GUCY1A2: variants seen among roughly 807,000 people sequenced by gnomAD.
GUCY1A2 encodes guanylate cyclase 1 soluble subunit alpha 2.
Under a neutral mutation model 63.5 loss-of-function variants are expected in GUCY1A2, and 27 were observed. The ratio of observed to expected loss-of-function variants is 0.43; its 90% CI spans 0.31 to 0.59. The LOEUF is 0.59. Among genes scored for constraint, GUCY1A2 ranks in the 20% least tolerant of loss-of-function variants. GUCY1A2 has a pLI of 0.11. For missense variants in GUCY1A2, 768 were observed against 913.3 expected, an observed-to-expected ratio of 0.84 and a Z score of 2.05; for synonymous variants, 364 against 343.5, an observed-to-expected ratio of 1.06 and a Z score of -0.66.
At chr11:106,930,135 C>T (rs1331083505) in intron 4 of GUCY1A2, among the ~76,000 whole-genome samples, 1 of 152,104 alleles carries the variant, frequency 6.6e-6, no homozygotes, top group Non-Finnish European at 1.5e-5. Context: ...AGTGATAAAA[C>T]TGAAACAAGT....
At chr11:106,914,571 A>G (rs1860343541) in intron 4 of GUCY1A2, among the ~76,000 whole-genome samples, 1 of 151,868 alleles carries the variant, frequency 6.6e-6, no homozygotes, top group African/African-American at 2.4e-5. Context: ...CATTAAAAAG[A>G]GAAATAATTA....
intron 4 of GUCY1A2, among the ~76,000 whole-genome samples, chr11:106,879,815 A>G (rs1310431994): frequency 6.6e-6 from 1 of 152,070 alleles, no homozygotes; most frequent in Non-Finnish European, 1.5e-5. Flanking sequence ...CCCTTCACTG[A>G]GCCATGAAAT....
chr11:106,709,054 A>T (rs1862972767), intron 6 of GUCY1A2, among the ~76,000 whole-genome samples: 2 of 145,844 alleles, frequency 1.4e-5, no homozygotes. Context: ...CTTTCATAGC[A>T]CTAAACATAA....
intron 4 of GUCY1A2, among the ~76,000 whole-genome samples, chr11:106,933,753 T>C (rs1860637656): frequency 6.6e-6 from 1 of 152,110 alleles, no homozygotes; most frequent in Non-Finnish European, 1.5e-5. Context: ...TCATGGAATA[T>C]TGTGCAACCA....
At chr11:106,790,313 T>C (rs1423897666) in intron 5 of GUCY1A2, among the ~76,000 whole-genome samples, 1 of 152,164 alleles carries the variant, frequency 6.6e-6, no homozygotes, top group South Asian at 2.1e-4. Context: ...CTACCGCTGA[T>C]GTTCACTTAA....
At chr11:106,693,593 T>G (rs1419458029) in intron 7 of GUCY1A2, among the ~76,000 whole-genome samples, 1 of 152,188 alleles carries the variant, frequency 6.6e-6, no homozygotes, top group East Asian at 1.9e-4. Flanking sequence ...TTATATGTTT[T>G]CTTTTTATGC....
chr11:106,867,723 C>G lies in GUCY1A2; in HGVS notation c.1207-57245G>C, dbSNP rs554570737. On this transcript the variant is annotated intron_variant, in intron 4 of 7. Coordinates refer to ENST00000526355, the MANE Select transcript of GUCY1A2 (RefSeq NM_000855.3). Reference sequence around the variant, plus strand: ...ATAAGTTAAAAATTTCAAAATAAAACAGGCCAAATGAATTTTTGGTGCAGA... The same window carrying G: ...ATAAGTTAAAAATTTCAAAATAAAAGAGGCCAAATGAATTTTTGGTGCAGA... Among the ~76,000 whole-genome samples the G allele has an allele frequency of 7.2e-5, 11 of 152,114 alleles. No individual in the cohort carries two copies. In the South Asian group the frequency reaches 2.3e-3, roughly 32 times the overall value.
chr11:106,728,911 G>C (rs532057244), intron 6 of GUCY1A2, among the ~76,000 whole-genome samples: 63 of 152,126 alleles, frequency 4.1e-4, no homozygotes, highest in Non-Finnish European at 8.4e-4. Flanking sequence ...AAGAATGACA[G>C]TGTGACAATG....
At chr11:106,788,014 G>A (rs1328823675) in intron 5 of GUCY1A2, among the ~76,000 whole-genome samples, 1 of 152,046 alleles carries the variant, frequency 6.6e-6, no homozygotes, top group African/African-American at 2.4e-5. Context: ...AATGTACAAG[G>A]GTTCCCTTTG....
intron 4 of GUCY1A2, among the ~76,000 whole-genome samples, chr11:106,843,798 T>G (rs1859233364): frequency 6.6e-6 from 1 of 151,936 alleles, no homozygotes; most frequent in African/African-American, 2.4e-5. Context: ...ACTACTTTAC[T>G]GATTCTTCTT....
chr11:106,806,470 T>A (rs1858688153), intron 5 of GUCY1A2, among the ~76,000 whole-genome samples: 1 of 152,186 alleles, frequency 6.6e-6, no homozygotes, highest in African/African-American at 2.4e-5. Flanking sequence ...AAGACAAATG[T>A]AAAACAAAGC....
chr11:106,816,565 T>A (rs1192849547), intron 4 of GUCY1A2, among the ~76,000 whole-genome samples: 1 of 146,296 alleles, frequency 6.8e-6, no homozygotes. Flanking sequence ...AAGAGCAAAA[T>A]AAACCCAAAG....
At chr11:106,860,642 T>A (rs1368013539) in intron 4 of GUCY1A2, among the ~76,000 whole-genome samples, 1 of 152,002 alleles carries the variant, frequency 6.6e-6, no homozygotes, top group African/African-American at 2.4e-5. Context: ...TTTACGTGCC[T>A]GGTGACCCAG....
At position 106,826,885 on chromosome 11, in the gene GUCY1A2, T is replaced by A. The variant is rs1858978458; in HGVS notation, c.1207-16407A>T. The A allele has an allele frequency of 1.1e-5, 17 of 1,606,694 alleles. No homozygotes were observed. In the East Asian group the frequency reaches 3.3e-4, roughly 32 times the overall value. ...ATGATCATCCACTTTCAGGCCACCA[T>A]CTTCTCCTAGATCAAAACTGTTACC... is the stretch of plus-strand genomic sequence containing the variant. On this transcript the variant is annotated intron_variant, in intron 4 of 7. Coordinates refer to ENST00000526355, the MANE Select transcript of GUCY1A2 (RefSeq NM_000855.3).
At chr11:106,803,975 T>C (rs920625639) in intron 5 of GUCY1A2, among the ~76,000 whole-genome samples, 1 of 152,230 alleles carries the variant, frequency 6.6e-6, no homozygotes, top group Non-Finnish European at 1.5e-5. Context: ...ACTCCTGCCA[T>C]AGAAAAGCTA....
rs1196463700 is a variant in GUCY1A2 at position 106,680,460 on chromosome 11, G to A, written c.*7089C>T. 5 of 205,646 alleles carry A rather than the reference G, an allele frequency of 2.4e-5. No homozygotes were observed. The Admixed American group carries it at 3.0e-4, about 12-fold the overall frequency. The allele number at this position is 205,646 out of a possible 1,614,324, so 12.7% of individuals were successfully genotyped here. ...TAACTATTACTCAGACCTGCCATTT[G>A]GTTTTTCTTTTCTGCTTTTAAATAA... On this transcript the variant is annotated 3_prime_UTR_variant, in exon 8 of 8. Transcript: ENST00000526355.
At chr11:106,740,373 T>C (rs570175236) in intron 6 of GUCY1A2, among the ~76,000 whole-genome samples, 3 of 152,198 alleles carry the variant, frequency 2.0e-5, no homozygotes, top group African/African-American at 7.2e-5. Context: ...GAAAAACTGG[T>C]AAGAAGCTTA....
At chr11:106,836,835 C>T (rs544454146) in intron 4 of GUCY1A2, among the ~76,000 whole-genome samples, 8 of 152,014 alleles carry the variant, frequency 5.3e-5, no homozygotes, top group African/African-American at 1.9e-4. Flanking sequence ...TGTAATACTA[C>T]ATCTTTACAT....
intron 6 of GUCY1A2, among the ~76,000 whole-genome samples, chr11:106,738,573 G>A (rs1591255878): frequency 6.6e-6 from 1 of 152,152 alleles, no homozygotes; most frequent in East Asian, 1.9e-4. Context: ...TTTGTATAAG[G>A]TGTAAGGAAG....
Sources: gnomAD v4.1 joint callset for allele counts (sites outside exome capture counted in the v4.1 genomes callset) on GRCh38, gnomAD v4.1.1 for gene constraint, MANE v1.5 for transcripts, NCBI Gene and HGNC (gene_info 2026-07-23, HGNC 2026-07-21) for gene names.